Variants in PTPN5 observed in about 807,000 individuals in gnomAD.
PTPN5 encodes the protein protein tyrosine phosphatase non-receptor type 5.
PTPN5 carries 29 observed loss-of-function variants against 73.9 expected under a neutral mutation model. The ratio of observed to expected loss-of-function variants is 0.39; its 90% confidence interval spans 0.29 to 0.54. The LOEUF is 0.54. Among genes scored for constraint, PTPN5 ranks in the 20% least tolerant of loss-of-function variants. The pLI is 0.65. For synonymous variants in PTPN5, 267 were observed against 304.7 expected, an observed-to-expected ratio of 0.88 and a Z score of 1.29; for missense variants, 652 against 751.4, an observed-to-expected ratio of 0.87 and a Z score of 1.55.
intron 2 of PTPN5, among the ~76,000 whole-genome samples, chr11:18,770,993 C>T (rs1850866923): frequency 6.6e-6 from 1 of 152,124 alleles, no homozygotes; most frequent in African/African-American, 2.4e-5. Flanking sequence ...AACATGAAGT[C>T]CCAGCTTTGC....
At position 18,744,243 on chromosome 11, in the gene PTPN5, C is replaced by T. The variant is rs749900218; in HGVS notation, c.98-44G>A. On this transcript the variant is annotated intron_variant, in intron 3 of 14. Transcript: ENST00000358540. ...GCGGGCCGATGACTCCGGCCCTGTC[C>T]ACAGGCAGGGCTCTGCCACCCCTTT... 9 of 1,435,570 alleles carry T rather than the reference C, an allele frequency of 6.3e-6. No homozygotes were observed. In the African/African-American group the frequency reaches 1.0e-4, roughly 16 times the overall value. 88.9% of individuals were successfully genotyped at this position (1,435,570 alleles called of 1,614,324 possible).
Position 18,764,232 on chromosome 11 carries a change from T to C in PTPN5, c.97+1575A>G, listed in dbSNP as rs112054619. ...TTCTATGACTGGACCACTTTTAGAG[T>C]CAGAGAGTTCTGCGTCTATGGGCCA... On this transcript the variant is annotated intron_variant, in intron 3 of 14. Coordinates refer to ENST00000358540, the MANE Select transcript of PTPN5 (RefSeq NM_006906.2). Among the ~76,000 whole-genome samples, 586 of 152,250 alleles carry C rather than the reference T, an allele frequency of 3.8e-3. 3 individuals carry two copies. Among genetic ancestry groups the C allele is most frequent in the African/African-American group, 0.014 (572 of 41,544 alleles).
Position 18,781,323 on chromosome 11 carries a change from C to CTTTTT in PTPN5, c.-113-9257_-113-9253dup, listed in dbSNP as rs58611404. 4.4e-5 allele frequency among the ~76,000 whole-genome samples: 5 copies of CTTTTT among 114,434 alleles called. No homozygotes were observed. The East Asian group carries it at 9.3e-4, about 21-fold the overall frequency. 75.1% of individuals were successfully genotyped at this position (114,434 alleles called of 152,430 possible). ...AGATCAGACTGTCTTTTTTTGACCA[C>CTTTTT]TTTTTTTTTTTTTTGAGATGGAGTC... On this transcript the variant is annotated intron_variant, in intron 1 of 14. Coordinates refer to ENST00000358540, the MANE Select transcript of PTPN5 (RefSeq NM_006906.2).
In PTPN5 at chr11:18,733,295, C is replaced by T; in HGVS notation, c.1158G>A (p.Met386Ile). 6.2e-7 allele frequency: 1 copy of T among 1,614,124 alleles called. No individual in the cohort carries two copies. Among genetic ancestry groups the T allele is most frequent in the Non-Finnish European group, 8.5e-7 (1 of 1,180,006 alleles). The change falls in exon 11 of 15, where the codon ATG becomes ATA. Residue 386 changes from methionine (M) to isoleucine (I), a missense_variant. Met to Ile is a conservative substitution (Grantham distance 10). Transcript: ENST00000358540. The surrounding 1 kb of genome is among the most constrained non-coding windows in gnomAD (Gnocchi z 4.3). Reference sequence around the variant, plus strand: ...TGATGGGCGTGTGCTCCTGCCACACCATGCGCCAGAAGTCGGCGACCGTGC... The same window carrying T: ...TGATGGGCGTGTGCTCCTGCCACACTATGCGCCAGAAGTCGGCGACCGTGC... Reference protein sequence around the residue: ...IVSTVADFWRMVWQEHTPIIV... With the variant: ...IVSTVADFWRIVWQEHTPIIV...
At chr11:18,777,629 G>A (rs1418678456) in intron 1 of PTPN5, among the ~76,000 whole-genome samples, 1 of 152,148 alleles carries the variant, frequency 6.6e-6, no homozygotes, top group Non-Finnish European at 1.5e-5. Flanking sequence ...AAGTAAATGA[G>A]ATTATTATGC....
At chr11:18,789,627 C>T (rs1024857820) in intron 1 of PTPN5, among the ~76,000 whole-genome samples, 4 of 152,196 alleles carry the variant, frequency 2.6e-5, no homozygotes, top group African/African-American at 9.7e-5. Flanking sequence ...ATGAGCTGCT[C>T]ACCCCCCTCA....
At chr11:18,738,904 G>A (rs533446323) in intron 8 of PTPN5, among the ~76,000 whole-genome samples, 29 of 151,480 alleles carry the variant, frequency 1.9e-4, no homozygotes, top group African/African-American at 4.9e-4. Context: ...ACTGGAAGGC[G>A]GAGGTTGCAG....
chr11:18,733,640 G>A lies in PTPN5; in HGVS notation c.1001-5C>T. 1 of 1,614,162 alleles carries A rather than the reference G, an allele frequency of 6.2e-7. No homozygotes were observed. The highest frequency in any genetic ancestry group is 2.2e-5 in the East Asian group (1 of 44,884). The stretch of plus-strand genomic sequence containing the variant: ...GACACACTCTGCTGTGAGGGTCTGG[G>A]GTGGTGGGAGACAAGTAAGGCTGGA... On this transcript the variant is annotated splice_region_variant and splice_polypyrimidine_tract_variant and intron_variant, in intron 9 of 14. Coordinates refer to ENST00000358540, the MANE Select transcript of PTPN5 (RefSeq NM_006906.2). This position sits in a 1 kb window ranked among gnomAD's most constrained non-coding sequence, Gnocchi z 4.3.
intron 3 of PTPN5, among the ~76,000 whole-genome samples, chr11:18,746,538 T>C (rs1023985294): frequency 1.3e-4 from 20 of 151,762 alleles, no homozygotes; most frequent in African/African-American, 3.9e-4. Context: ...CCTAGCATAG[T>C]GTTCAGCATT....
intron 8 of PTPN5, chr11:18,740,331 C>T (rs1849306331): frequency 3.4e-6 from 1 of 292,142 alleles, no homozygotes. Flanking sequence ...AGCATTGTCA[C>T]TGTACCTCCA....
Position 18,729,925 on chromosome 11 carries a change from A to C in PTPN5, c.1330-107T>G. 1.4e-6 allele frequency: 2 copies of C among 1,431,384 alleles called. No homozygotes were observed. The highest frequency in any genetic ancestry group is 1.2e-5 in the South Asian group (1 of 85,250). 88.7% of individuals were successfully genotyped at this position (1,431,384 alleles called of 1,614,324 possible). On this transcript the variant is annotated intron_variant, in intron 12 of 14. Transcript: ENST00000358540. This position sits in a 1 kb window ranked among gnomAD's most constrained non-coding sequence, Gnocchi z 5.2. Reference sequence around the variant, plus strand: ...GAAGGAGGAAGAACACAGGAAGAACACTGAGAGTGGGACCCCTTCACCCTT... The same window carrying C: ...GAAGGAGGAAGAACACAGGAAGAACCCTGAGAGTGGGACCCCTTCACCCTT...
chr11:18,733,185 G>C lies in PTPN5; in HGVS notation c.1218+50C>G. 1.3e-6 allele frequency: 2 copies of C among 1,588,352 alleles called. No individual in the cohort carries two copies. The highest frequency in any genetic ancestry group is 1.7e-6 in the Non-Finnish European group (2 of 1,160,992). ...GATTAATTTGAGAACAAGATACTTAGTGTAGGGCGCAATGTAGCAGACACT... is the reference window on the plus strand; with the variant it reads ...GATTAATTTGAGAACAAGATACTTACTGTAGGGCGCAATGTAGCAGACACT... On this transcript the variant is annotated intron_variant, in intron 11 of 14. Coordinates refer to ENST00000358540, the MANE Select transcript of PTPN5 (RefSeq NM_006906.2). This position sits in a 1 kb window ranked among gnomAD's most constrained non-coding sequence, Gnocchi z 4.3.
intron 1 of PTPN5, among the ~76,000 whole-genome samples, chr11:18,773,111 G>A (rs1026108673): frequency 6.7e-6 from 1 of 148,612 alleles, no homozygotes; most frequent in Non-Finnish European, 1.5e-5. Context: ...AGTCTAAAAG[G>A]GGAGTGTGGA....
chr11:18,743,401 C>G lies in PTPN5; in HGVS notation c.320G>C (p.Gly107Ala). Residue 107 changes from glycine to alanine, a missense_variant, in exon 5 of 15, where the codon GGT becomes GCT. By Grantham distance (60) the Gly-to-Ala change is moderately conservative (BLOSUM62 0). This residue lies in a region of PTPN5 where 529 missense variants were observed against 573.9 expected (regional missense o/e 0.92). Coordinates refer to ENST00000358540, the MANE Select transcript of PTPN5 (RefSeq NM_006906.2). Reference protein sequence around the residue: ...LLACGVLWFSGYGHIWSQNAT... With the variant: ...LLACGVLWFSAYGHIWSQNAT... ...GTTCTGTGACCAGATGTGGCCATAA[C>G]CGCTGAACCAGAGCACCCCACAGGC... 6.2e-7 allele frequency: 1 copy of G among 1,614,132 alleles called. No individual in the cohort carries two copies. The highest frequency in any genetic ancestry group is 1.1e-5 in the South Asian group (1 of 91,082).
rs1848731339 is a variant in PTPN5, at chr11:18,728,650, C to T, written c.*284G>A. 2.6e-6 allele frequency: 1 copy of T among 378,022 alleles called. No individual in the cohort carries two copies. Among genetic ancestry groups the T allele is most frequent in the Non-Finnish European group, 4.8e-6 (1 of 209,216 alleles). 23.4% of individuals were successfully genotyped at this position (378,022 alleles called of 1,614,324 possible). On this transcript the variant is annotated 3_prime_UTR_variant, in exon 15 of 15. Coordinates refer to ENST00000358540, the MANE Select transcript of PTPN5 (RefSeq NM_006906.2). The surrounding 1 kb of genome is among the most constrained non-coding windows in gnomAD (Gnocchi z 4.1). ...ATTCTGGATCAGGTATTGATGGAAC[C>T]ATCGTTAAAAACTGGAGCCCGGGGT...
intron 3 of PTPN5, among the ~76,000 whole-genome samples, chr11:18,757,412 A>G (rs772438780): frequency 1.3e-5 from 2 of 152,180 alleles, no homozygotes; most frequent in Non-Finnish European, 2.9e-5. Context: ...GCCCTGCTCC[A>G]ATCCTCCATC....
rs148924535 is a variant in PTPN5 at position 18,766,522 on chromosome 11, T to A, written c.21-639A>T. On this transcript the variant is annotated intron_variant, in intron 2 of 14. Coordinates refer to ENST00000358540, the MANE Select transcript of PTPN5 (RefSeq NM_006906.2). ...AGAATAGCTAGAAAAAGTAGTTACATACATGTTTTGTATAGTCTAAATGTT... is the reference window on the plus strand; with the variant it reads ...AGAATAGCTAGAAAAAGTAGTTACAAACATGTTTTGTATAGTCTAAATGTT... Among the ~76,000 whole-genome samples the A allele has an allele frequency of 7.4e-3, 1,122 of 152,328 alleles. 8 individuals carry two copies. The highest frequency in any genetic ancestry group is 0.01 in the Non-Finnish European group (683 of 68,010).
rs570417247 is a variant in PTPN5, at chr11:18,765,941, C to T, written c.21-58G>A. The T allele has an allele frequency of 3.0e-4, 387 of 1,297,700 alleles. 1 individual carries two copies. Among genetic ancestry groups the T allele is most frequent in the Non-Finnish European group, 2.7e-4 (243 of 915,682 alleles). The allele number at this position is 1,297,700 out of a possible 1,614,324, so 80.4% of individuals were successfully genotyped here. A position where few individuals can be genotyped will look rare whatever the true frequency, so the allele number is the denominator to read the frequency against. ...GTTGAGCCAGGATCAAGACAAAAAC[C>T]CTGAGCAAAGATAAGAAGGCTCCCT... On this transcript the variant is annotated intron_variant, in intron 2 of 14. Coordinates refer to ENST00000358540, the MANE Select transcript of PTPN5 (RefSeq NM_006906.2).
chr11:18,731,166 T>C (rs1848856407), intron 12 of PTPN5, among the ~76,000 whole-genome samples: 1 of 142,032 alleles, frequency 7.0e-6, no homozygotes. Context: ...ATTTATATTT[T>C]ATATATATTT....
Sources: allele counts gnomAD v4.1 joint callset (sites outside exome capture counted in the v4.1 genomes callset), GRCh38; gene constraint gnomAD v4.1.1; regional missense constraint gnomAD v4.1.1; non-coding constraint Gnocchi (gnomAD v3.1); transcripts MANE v1.5; gene names NCBI Gene and HGNC (gene_info 2026-07-23, HGNC 2026-07-21).